SPATA22: variants seen among roughly 807,000 people sequenced by gnomAD.
SPATA22 encodes spermatogenesis-associated protein 22.
In SPATA22, 29 loss-of-function variants were observed where a neutral mutation model predicts 47.8. The observed-to-expected ratio is 0.61, with a 90% CI of 0.45 to 0.83. The LOEUF (loss-of-function observed/expected upper bound fraction) is 0.83, where lower values mean the gene tolerates loss of function less well. Among genes scored for constraint, SPATA22 ranks in the 40% least tolerant of loss-of-function variants. The pLI is 0.00. For missense variants in SPATA22, 410 were observed against 421.7 expected, an observed-to-expected ratio of 0.97 and a Z score of 0.24; for synonymous variants, 133 against 140.9, an observed-to-expected ratio of 0.94 and a Z score of 0.40.
intron 1 of SPATA22, among the ~76,000 whole-genome samples, chr17:3,470,498 C>A (rs892352986): frequency 1.3e-5 from 2 of 152,062 alleles, no homozygotes; most frequent in Non-Finnish European, 2.9e-5. Flanking sequence ...GCCTGTAATC[C>A]CAGCACTTTG....
chr17:3,481,698 T>C (rs1332529012), intron 1 of SPATA22: 1 of 1,613,758 alleles, frequency 6.2e-7, no homozygotes, highest in Non-Finnish European at 8.5e-7. Context: ...TCCTATGACA[T>C]TATTTTTGAC....
intron 1 of SPATA22, among the ~76,000 whole-genome samples, chr17:3,507,008 G>A (rs374759008): frequency 2.1e-5 from 3 of 145,750 alleles, no homozygotes; most frequent in East Asian, 2.0e-4. Flanking sequence ...GGGAGGAAGG[G>A]AGGGAGGGGA....
chr17:3,469,431 C>G, intron 1 of SPATA22, 33 bp from the exon 2 acceptor site: 1 of 846,614 alleles, frequency 1.2e-6, no homozygotes, highest in Non-Finnish European at 1.8e-6. Context: ...CTCGTATTGT[C>G]TCAACTATAA....
At chr17:3,508,949 A>T (rs1244773264) in intron 1 of SPATA22, among the ~76,000 whole-genome samples, 2 of 150,146 alleles carry the variant, frequency 1.3e-5, no homozygotes, top group African/African-American at 4.9e-5. Flanking sequence ...AAGAACTGCC[A>T]TCCTTATGAA....
At chr17:3,471,129 T>C (rs1250846356) in intron 1 of SPATA22, among the ~76,000 whole-genome samples, 1 of 149,214 alleles carries the variant, frequency 6.7e-6, no homozygotes, top group Non-Finnish European at 1.5e-5. Context: ...CACTCCAGCC[T>C]GGGCGACAGA....
At position 3,448,886 on chromosome 17, in the gene SPATA22, T is replaced by C. The variant is rs780789331; in HGVS notation, c.593A>G (p.Gln198Arg). 9 of 1,614,024 alleles carry C rather than the reference T, an allele frequency of 5.6e-6. No individual in the cohort carries two copies. The highest frequency in any genetic ancestry group is 1.1e-5 in the South Asian group (1 of 91,056). The change falls in exon 6 of 9, where the codon CAG becomes CGG. Residue 198 changes from glutamine to arginine, a missense_variant. Coordinates refer to ENST00000572969, the MANE Select transcript of SPATA22 (RefSeq NM_001170698.2). ...TTGTTGAAAATTGGGCTTAAGTGTC[T>C]GTAGTGCACTGTTTTTGTCTAGCCC... ...MRGLDKNSAL[Q>R]TLKPNFQQNQ...
intron 5 of SPATA22, among the ~76,000 whole-genome samples, chr17:3,461,461 C>T (rs2073123814): frequency 6.6e-6 from 1 of 152,040 alleles, no homozygotes; most frequent in African/African-American, 2.4e-5. Flanking sequence ...AATCTGTTTA[C>T]CTAATTATCT....
intron 5 of SPATA22, among the ~76,000 whole-genome samples, chr17:3,456,878 G>A (rs1219770192): frequency 6.6e-6 from 1 of 151,246 alleles, no homozygotes; most frequent in African/African-American, 2.4e-5. Context: ...TCCCTGGGAT[G>A]CAAGGCTGGT....
intron 1 of SPATA22, among the ~76,000 whole-genome samples, chr17:3,491,974 C>G (rs998837289): frequency 6.9e-6 from 1 of 144,200 alleles, no homozygotes; most frequent in African/African-American, 2.6e-5. Flanking sequence ...AGTTCCTGGG[C>G]TCAAGCAATC....
chr17:3,512,575 G>C (rs185869145), intron 1 of SPATA22: 1 of 152,000 alleles, frequency 6.6e-6, no homozygotes, highest in East Asian at 1.9e-4. Flanking sequence ...ATTCCACCTC[G>C]AACATTTTTA....
Position 3,490,743 on chromosome 17 carries a change from G to T in SPATA22, c.-73-21345C>A, listed in dbSNP as rs2073810622. 6.6e-6 allele frequency among the ~76,000 whole-genome samples: 1 copy of T among 152,204 alleles called. No individual in the cohort carries two copies. The highest frequency in any genetic ancestry group is 6.6e-5 in the Admixed American group (1 of 15,264). On this transcript the variant is annotated intron_variant, in intron 1 of 8. Coordinates refer to the SPATA22 transcript ENST00000541913. This position sits in a 1 kb window ranked among gnomAD's most constrained non-coding sequence, Gnocchi z 4.6. ...GTGTGGGACTACAATATATTAAGAA[G>T]TGATACATTCAGATAGAAGGCCACA...
At chr17:3,498,969 G>A in intron 1 of SPATA22, 1 of 1,614,136 alleles carries the variant, frequency 6.2e-7, no homozygotes, top group East Asian at 2.2e-5. Flanking sequence ...ACTGGGCGGA[G>A]ACTGTACCGT....
chr17:3,500,525 C>T (rs1163422546), intron 1 of SPATA22: 4 of 17,270 alleles, frequency 2.3e-4, no homozygotes, highest in Non-Finnish European at 4.9e-4. Context: ...TTTTTTGAGA[C>T]GGAGTCTTGC....
intron 1 of SPATA22, chr17:3,483,353 AT>A (rs751569040): frequency 6.1e-5 from 43 of 707,938 alleles, no homozygotes; most frequent in Non-Finnish European, 1.0e-4. Flanking sequence ...CTATAATACC[AT>A]TGGGTTTTAA....
At chr17:3,441,086 T>C (rs1000722693) in intron 8 of SPATA22, 1 of 152,152 alleles carries the variant, frequency 6.6e-6, no homozygotes, top group African/African-American at 2.4e-5. Context: ...CTCTCAATTA[T>C]GAATAAAATT....
intron 1 of SPATA22, among the ~76,000 whole-genome samples, chr17:3,480,438 T>C (rs1401144840): frequency 6.6e-6 from 1 of 152,084 alleles, no homozygotes; most frequent in Non-Finnish European, 1.5e-5. Flanking sequence ...TCATAGGGAG[T>C]TGGAGCTGTC....
At chr17:3,489,257 T>C in intron 1 of SPATA22, 1 of 1,612,742 alleles carries the variant, frequency 6.2e-7, no homozygotes, top group Non-Finnish European at 8.5e-7. Context: ...GTCCTCAGCC[T>C]CAAGGGGTTC....
In SPATA22 at chr17:3,458,855, C is replaced by CAAAAAAAAAAA. The variant is rs545223532; in HGVS notation, c.329+3617_329+3627dup. Among the ~76,000 whole-genome samples, 21 of 38,344 alleles carry CAAAAAAAAAAA rather than the reference C, an allele frequency of 5.5e-4. 1 individual carries two copies. The highest frequency in any genetic ancestry group is 1.9e-3 in the African/African-American group (17 of 8,764). The allele number at this position is 38,344 out of a possible 152,430, so 25.2% of individuals were successfully genotyped here. A position where few individuals can be genotyped will look rare whatever the true frequency, so the allele number is the denominator to read the frequency against. On this transcript the variant is annotated intron_variant, in intron 5 of 8. Transcript: ENST00000572969. ...CCTGGGCAACAAGAGCGAAACTTCA[C>CAAAAAAAAAAA]AAAAAAAAAAAAAAAAAAAAAAAAA...
chr17:3,460,797 A>AC (rs2073108446), intron 5 of SPATA22, among the ~76,000 whole-genome samples: 1 of 148,516 alleles, frequency 6.7e-6, no homozygotes, highest in Non-Finnish European at 1.5e-5. Context: ...AGTCTCAAAA[A>AC]AAAAAAAAAA....
Sources: allele counts gnomAD v4.1 joint callset (sites outside exome capture counted in the v4.1 genomes callset), GRCh38; gene constraint gnomAD v4.1.1; non-coding constraint Gnocchi (gnomAD v3.1); transcripts MANE v1.5; gene names NCBI Gene and HGNC (gene_info 2026-07-23, HGNC 2026-07-21).